Variants in CNTN5 observed in about 807,000 individuals in gnomAD.
CNTN5 encodes contactin 5, also known as contactin-5.
In CNTN5, 77 loss-of-function variants were observed where a neutral mutation model predicts 129.1. The ratio of observed to expected loss-of-function variants is 0.60; its 90% CI spans 0.50 to 0.72. CNTN5 has a LOEUF of 0.72. Ranked by LOEUF, CNTN5 falls within the 30% of genes least tolerant of loss-of-function variation. CNTN5 has a pLI of 0.00. For missense variants in CNTN5, 1,478 were observed against 1,328.8 expected (o/e 1.11, Z -1.75); for synonymous variants, 509 against 465.6 (o/e 1.09, Z -1.20).
intron 13 of CNTN5, among the ~76,000 whole-genome samples, chr11:100,084,930 C>T (rs1944492448): frequency 6.6e-6 from 1 of 151,970 alleles, no homozygotes; most frequent in South Asian, 2.1e-4. Flanking sequence ...CGACAGTAGA[C>T]AGATTAATAA....
intron 1 of CNTN5, among the ~76,000 whole-genome samples, chr11:99,253,469 TC>T (rs1286442898): frequency 2.0e-5 from 3 of 152,122 alleles, no homozygotes; most frequent in African/African-American, 7.2e-5. Context: ...TATACCTTGT[TC>T]TTTTTTAAGA....
intron 2 of CNTN5, among the ~76,000 whole-genome samples, chr11:99,399,828 T>A (rs182810071): frequency 6.6e-6 from 1 of 152,082 alleles, no homozygotes; most frequent in Admixed American, 6.5e-5. Flanking sequence ...TTATTTTTAA[T>A]TTCTTTGGCT....
At position 99,834,888 on chromosome 11, in the gene CNTN5, A is replaced by G. The variant is rs146505223; in HGVS notation, c.278-9964A>G. On this transcript the variant is annotated intron_variant, in intron 4 of 24. Transcript: ENST00000524871. ...TATGCTACTCTAGATGACTGCCTCC[A>G]CAGTCAAGACCATCTTGCCCTAGCC... Among the ~76,000 whole-genome samples the G allele has an allele frequency of 3.1e-4, 47 of 152,326 alleles. 1 individual carries two copies. Among genetic ancestry groups the G allele is most frequent in the African/African-American group, 1.0e-3 (43 of 41,586 alleles).
chr11:99,907,524 G>A (rs1949541393), intron 6 of CNTN5, among the ~76,000 whole-genome samples: 1 of 151,574 alleles, frequency 6.6e-6, no homozygotes, highest in Non-Finnish European at 1.5e-5. Context: ...CCCCTTTATT[G>A]TTACGTCTTG....
intron 1 of CNTN5, among the ~76,000 whole-genome samples, chr11:99,066,767 G>T (rs1865120894): frequency 6.6e-6 from 1 of 152,024 alleles, no homozygotes; most frequent in Non-Finnish European, 1.5e-5. Flanking sequence ...TTATGCTGAG[G>T]CTACACTTCC....
chr11:100,217,069 T>C (rs866404459), intron 15 of CNTN5, among the ~76,000 whole-genome samples: 1 of 152,190 alleles, frequency 6.6e-6, no homozygotes, highest in South Asian at 2.1e-4. Context: ...CTTTCCACAC[T>C]AAAATCATTT....
chr11:100,273,620 A>G (rs1187921426), intron 18 of CNTN5, among the ~76,000 whole-genome samples: 1 of 152,114 alleles, frequency 6.6e-6, no homozygotes, highest in African/African-American at 2.4e-5. Flanking sequence ...CACCACCTCC[A>G]GTGCAAGCAG....
chr11:99,970,057 A>C (rs2136222795), intron 8 of CNTN5, among the ~76,000 whole-genome samples: 1 of 152,308 alleles, frequency 6.6e-6, no homozygotes, highest in African/African-American at 2.4e-5. Context: ...TGGGTCAATT[A>C]GACTCCTAAT....
intron 2 of CNTN5, among the ~76,000 whole-genome samples, chr11:99,521,034 A>T (rs936552391): frequency 3.3e-4 from 50 of 152,244 alleles, no homozygotes; most frequent in African/African-American, 1.2e-3. Context: ...ACAACCAAAG[A>T]TTATATGATT....
At chr11:99,233,335 C>T (rs968218338) in intron 1 of CNTN5, among the ~76,000 whole-genome samples, 1 of 152,106 alleles carries the variant, frequency 6.6e-6, no homozygotes, top group African/African-American at 2.4e-5. Flanking sequence ...AAGGGACTTC[C>T]AATTTGAAAC....
chr11:99,815,534 CT>C (rs1296580875), intron 3 of CNTN5, among the ~76,000 whole-genome samples: 3 of 152,122 alleles, frequency 2.0e-5, no homozygotes, highest in Non-Finnish European at 4.4e-5. Context: ...AAGGACTGGG[CT>C]TATTTGTCAA....
At chr11:99,114,334 A>G (rs1350645121) in intron 1 of CNTN5, among the ~76,000 whole-genome samples, 1 of 152,122 alleles carries the variant, frequency 6.6e-6, no homozygotes, top group East Asian at 1.9e-4. Context: ...AAACTCTCGT[A>G]GTAAGAAATT....
chr11:100,033,476 A>G (rs749935524), intron 9 of CNTN5, among the ~76,000 whole-genome samples: 1 of 152,096 alleles, frequency 6.6e-6, no homozygotes, highest in Admixed American at 6.6e-5. Flanking sequence ...ACCCATGTCT[A>G]TGTATTCTTA....
At chr11:99,120,692 T>A (rs1858276407) in intron 1 of CNTN5, among the ~76,000 whole-genome samples, 1 of 152,154 alleles carries the variant, frequency 6.6e-6, no homozygotes, top group South Asian at 2.1e-4. Context: ...AATCTGAAGG[T>A]CACACAAGGC....
chr11:99,035,837 C>T (rs1395855004), intron 1 of CNTN5, among the ~76,000 whole-genome samples: 4 of 149,678 alleles, frequency 2.7e-5, no homozygotes, highest in East Asian at 2.0e-4. Context: ...TTATTTTGCT[C>T]GTTAGTTGAT....
In CNTN5 at chr11:99,135,732, A is replaced by C. The variant is rs17133139; in HGVS notation, c.-210+114462A>C. Among the ~76,000 whole-genome samples, 1,288 of 152,258 alleles carry C rather than the reference A, an allele frequency of 8.5e-3. 22 individuals are homozygous for C. Among genetic ancestry groups the C allele is most frequent in the African/African-American group, 0.029 (1,196 of 41,558 alleles). ...TTGCTGACATTGTATTTTATCTTCT[A>C]CTAAATACTTACATGTTTATAGTAA... is the stretch of plus-strand genomic sequence containing the variant. On this transcript the variant is annotated intron_variant, in intron 1 of 24. Coordinates refer to ENST00000524871, the MANE Select transcript of CNTN5 (RefSeq NM_014361.4).
intron 6 of CNTN5, among the ~76,000 whole-genome samples, chr11:99,889,291 GGTGTGTGTGTGTGTGTGTGTGT>G (rs71050029): frequency 0.19 from 6,158 of 32,960 alleles, 203 homozygotes; most frequent in Middle Eastern, 0.29. Context: ...CTCCAGAGCA[GGTGTGTGTGTGTGTGTGTGTGT>G]GTGTGTGTGT....
At chr11:99,032,606 A>T (rs1199143966) in intron 1 of CNTN5, among the ~76,000 whole-genome samples, 17 of 151,762 alleles carry the variant, frequency 1.1e-4, no homozygotes, top group Non-Finnish European at 2.9e-5. Context: ...CCACTTTTTG[A>T]TGGGGTTGTT....
Position 100,329,005 on chromosome 11 carries a change from G to A in CNTN5, c.2731-11458G>A, listed in dbSNP as rs530084863. ...AACTGAGTCGGCTTGGTTTTTCAAC[G>A]AGGAGGCATGCAGTCTGGGATAAGT... On this transcript the variant is annotated intron_variant, in intron 21 of 24. Coordinates refer to ENST00000524871, the MANE Select transcript of CNTN5 (RefSeq NM_014361.4). Among the ~76,000 whole-genome samples, 4 of 152,242 alleles carry A rather than the reference G, an allele frequency of 2.6e-5. No homozygotes were observed. In the East Asian group the frequency reaches 5.8e-4, roughly 22 times the overall value.
Sources: allele counts gnomAD v4.1 joint callset (sites outside exome capture counted in the v4.1 genomes callset), GRCh38; gene constraint gnomAD v4.1.1; transcripts MANE v1.5; gene names NCBI Gene and HGNC (gene_info 2026-07-23, HGNC 2026-07-21).